Variants in GSE1 observed in about 807,000 individuals in gnomAD.
GSE1 encodes genetic suppressor element 1.
GSE1 carries 32 observed loss-of-function variants against 112.6 expected under a neutral mutation model. That is an observed-to-expected ratio of 0.28 (90% CI 0.21 to 0.38). The LOEUF (loss-of-function observed/expected upper bound fraction) is 0.38. GSE1 is among the 10% of genes least tolerant of loss of function. GSE1 has a pLI of 1.00. For synonymous variants in GSE1, 1,115 were observed against 735.6 expected (o/e 1.52, Z -8.35); for missense variants, 2,348 against 1,699.2 (o/e 1.38, Z -6.71).
At chr16:85,412,867 G>A in intron 2 of GSE1, among the ~76,000 whole-genome samples, 1 of 152,234 alleles carries the variant, frequency 6.6e-6, no homozygotes, top group East Asian at 1.9e-4. Context: ...ACAGGTTCCA[G>A]GGATGAGGAC....
chr16:85,279,593 T>TTCAATCAATCAATCAGTCAG (rs1330237015), intron 1 of GSE1, among the ~76,000 whole-genome samples: 14 of 151,988 alleles, frequency 9.2e-5, no homozygotes, highest in African/African-American at 3.1e-4. Flanking sequence ...AAGACCCTGT[T>TTCAATCAATCAATCAGTCAG]TCAATCAATC....
chr16:85,388,563 GGTAGATGGGTGA>G (rs1567729015), intron 2 of GSE1, among the ~76,000 whole-genome samples: 1 of 150,434 alleles, frequency 6.6e-6, no homozygotes, highest in African/African-American at 2.4e-5. Context: ...TGGATGAGTG[GGTAGATGGGTGA>G]GTGGATGGGT....
At chr16:85,391,339 G>A (rs2047834517) in intron 2 of GSE1, among the ~76,000 whole-genome samples, 1 of 152,252 alleles carries the variant, frequency 6.6e-6, no homozygotes, top group African/African-American at 2.4e-5. Flanking sequence ...GAGTGGTAGT[G>A]ACTTGTGATA....
At chr16:85,295,540 A>G (rs555000627) in intron 1 of GSE1, among the ~76,000 whole-genome samples, 1 of 152,180 alleles carries the variant, frequency 6.6e-6, no homozygotes, top group South Asian at 2.1e-4. Flanking sequence ...GTGAAGCCTC[A>G]TGGCCTTTTA....
At chr16:85,325,151 A>G (rs1428088373) in intron 1 of GSE1, among the ~76,000 whole-genome samples, 4 of 152,042 alleles carry the variant, frequency 2.6e-5, no homozygotes, top group African/African-American at 9.7e-5. Flanking sequence ...AAAATCGTTC[A>G]TAGAGACGAG....
chr16:85,332,719 T>C (rs148843330), intron 1 of GSE1, among the ~76,000 whole-genome samples: 180 of 152,280 alleles, frequency 1.2e-3, no homozygotes, highest in African/African-American at 4.1e-3. Flanking sequence ...GTTGTTTTCC[T>C]ACCTGGAAAC....
chr16:85,649,905 C>A (rs759409877), intron 3 of GSE1, among the ~76,000 whole-genome samples: 1 of 152,160 alleles, frequency 6.6e-6, no homozygotes, highest in Non-Finnish European at 1.5e-5. Flanking sequence ...GGAAGGGAGC[C>A]AGCCTCAGTC....
Position 85,478,552 on chromosome 16 carries a change from C to G in GSE1, c.2464+120909C>G, listed in dbSNP as rs891886281. 7.4e-4 allele frequency among the ~76,000 whole-genome samples: 112 copies of G among 151,758 alleles called. 1 individual carries two copies. The highest frequency in any genetic ancestry group is 6.5e-4 in the Non-Finnish European group (44 of 67,958). On this transcript the variant is annotated intron_variant, in intron 2 of 2. Transcript: ENST00000637419. ...AAAAAAAAAAAAAAAATTCCATGGC[C>G]TGCCATGGACAGACCAGTGTGTCCA...
At chr16:85,450,109 G>A (rs1170947146) in intron 2 of GSE1, among the ~76,000 whole-genome samples, 6 of 139,952 alleles carry the variant, frequency 4.3e-5, no homozygotes, top group African/African-American at 1.3e-4. Context: ...TCTATTTTAG[G>A]CAGCTGACTT....
chr16:85,246,256 T>TACACAC lies in GSE1; in HGVS notation c.2283+74462_2283+74467dup, dbSNP rs560365750. ...ACACACACGCACACCACACGCTGTC[T>TACACAC]ACACACACACACACACACCCCACAC... On this transcript the variant is annotated intron_variant, in intron 1 of 2. Transcript: ENST00000637419. Among the ~76,000 whole-genome samples the TACACAC allele has an allele frequency of 5.7e-5, 5 of 87,050 alleles. No individual in the cohort carries two copies. In the South Asian group the frequency reaches 1.8e-3, roughly 32 times the overall value. 57.1% of individuals were successfully genotyped at this position (87,050 alleles called of 152,430 possible). A position where few individuals can be genotyped will look rare whatever the true frequency, so the allele number is the denominator to read the frequency against.
At chr16:85,454,188 C>G (rs573025061) in intron 2 of GSE1, among the ~76,000 whole-genome samples, 4 of 152,214 alleles carry the variant, frequency 2.6e-5, no homozygotes, top group Non-Finnish European at 4.4e-5. Flanking sequence ...CGTGCAGGGC[C>G]CTGTGTGGAG....
intron 1 of GSE1, among the ~76,000 whole-genome samples, chr16:85,622,427 G>T (rs537422735): frequency 1.1e-4 from 16 of 152,312 alleles, no homozygotes; most frequent in Admixed American, 2.0e-4. Context: ...ATATTGGGGA[G>T]GGTGTTCATA....
intron 2 of GSE1, among the ~76,000 whole-genome samples, chr16:85,437,413 G>A (rs761292435): frequency 7.3e-5 from 11 of 150,888 alleles, no homozygotes; most frequent in Non-Finnish European, 1.3e-4. Flanking sequence ...CCAAGACCCG[G>A]GGCCTCCTGC....
chr16:85,466,989 G>C (rs2050142949), intron 2 of GSE1, among the ~76,000 whole-genome samples: 1 of 152,238 alleles, frequency 6.6e-6, no homozygotes, highest in Admixed American at 6.5e-5. Context: ...GAACCCCAGA[G>C]GCTCAGGTTG....
At chr16:85,365,646 CTTGTAGAAAGCAAAGGT>C (rs2047170247) in intron 2 of GSE1, among the ~76,000 whole-genome samples, 1 of 152,146 alleles carries the variant, frequency 6.6e-6, no homozygotes, top group Admixed American at 6.5e-5. Context: ...GAAGGTGAAG[CTTGTAGAAAGCAAAGGT>C]TTGTAGAAGG....
At chr16:85,446,771 G>C (rs1276268152) in intron 2 of GSE1, among the ~76,000 whole-genome samples, 2 of 152,182 alleles carry the variant, frequency 1.3e-5, no homozygotes, top group South Asian at 4.1e-4. Flanking sequence ...TGTTCCGCTT[G>C]GCTTCCTGGG....
intron 1 of GSE1, chr16:85,285,949 C>T (rs1250459274): frequency 6.6e-6 from 1 of 152,330 alleles, no homozygotes; most frequent in Admixed American, 6.5e-5. Context: ...CAACTGTGGG[C>T]ATCAGGCTGT....
intron 1 of GSE1, among the ~76,000 whole-genome samples, chr16:85,331,410 TATGC>T (rs2046348424): frequency 7.1e-6 from 1 of 141,140 alleles, no homozygotes; most frequent in African/African-American, 2.6e-5. Flanking sequence ...TATGTATATA[TATGC>T]GTATATATGT....
intron 1 of GSE1, among the ~76,000 whole-genome samples, chr16:85,341,759 C>T (rs919669796): frequency 1.3e-5 from 2 of 151,460 alleles, no homozygotes; most frequent in African/African-American, 4.9e-5. Flanking sequence ...CCTGGCCCCC[C>T]AAAACACTGG....
Sources: allele counts gnomAD v4.1 joint callset (sites outside exome capture counted in the v4.1 genomes callset), GRCh38; gene constraint gnomAD v4.1.1; transcripts MANE v1.5; gene names NCBI Gene and HGNC (gene_info 2026-07-23, HGNC 2026-07-21).